The following LUZP2 variants were observed in gnomAD, a reference collection of about 807,000 sequenced individuals.
LUZP2 encodes leucine zipper protein 2.
A neutral mutation model predicts 51.6 loss-of-function variants in LUZP2; 52 were observed. That is an observed-to-expected ratio of 1.01 (90% CI 0.81 to 1.27). The LOEUF is 1.27. Ranked by LOEUF, LUZP2 falls within the 50% of genes most tolerant of loss-of-function variation. The pLI is 0.00. For missense variants in LUZP2, 436 were observed against 395.4 expected (o/e 1.10, Z -0.87); for synonymous variants, 154 against 137.3 (o/e 1.12, Z -0.85).
At chr11:24,506,409 GGAA>G (rs1850147078) in intron 1 of LUZP2, among the ~76,000 whole-genome samples, 1 of 152,056 alleles carries the variant, frequency 6.6e-6, no homozygotes, top group South Asian at 2.1e-4. Flanking sequence ...TAACATCTTA[GGAA>G]GACACAGATA....
intron 1 of LUZP2, among the ~76,000 whole-genome samples, chr11:24,550,926 G>C (rs773879605): frequency 6.6e-6 from 1 of 151,866 alleles, no homozygotes. Flanking sequence ...CTGGGCAAGA[G>C]AGCAAGATCC....
intron 5 of LUZP2, among the ~76,000 whole-genome samples, chr11:24,845,731 T>TTCTAAAC (rs1851178289): frequency 6.7e-6 from 1 of 149,888 alleles, no homozygotes; most frequent in Non-Finnish European, 1.5e-5. Flanking sequence ...AACAGGAGTT[T>TTCTAAAC]TCCTGCACAA....
intron 5 of LUZP2, among the ~76,000 whole-genome samples, chr11:24,775,129 C>G (rs1398945845): frequency 6.6e-6 from 1 of 151,760 alleles, no homozygotes; most frequent in African/African-American, 2.4e-5. Context: ...CGACAATAAC[C>G]CAGAAAAGTG....
In LUZP2 at chr11:24,515,017, T is replaced by C. The variant is rs78805509; in HGVS notation, c.62+17712T>C. On this transcript the variant is annotated intron_variant, in intron 1 of 11. Transcript: ENST00000336930. ...GAACAATCGTTGTCATTGAAACCTC[T>C]GCTGATTTGAGCTCTTAATGCTTGC... 4.2e-3 allele frequency among the ~76,000 whole-genome samples: 641 copies of C among 152,302 alleles called. 7 individuals carry two copies. Among genetic ancestry groups the C allele is most frequent in the African/African-American group, 0.014 (600 of 41,556 alleles).
At chr11:25,041,997 G>A (rs1254791073) in intron 9 of LUZP2, among the ~76,000 whole-genome samples, 2 of 152,148 alleles carry the variant, frequency 1.3e-5, no homozygotes, top group African/African-American at 4.8e-5. Context: ...GTTTCATCCT[G>A]AAATCATCGT....
intron 9 of LUZP2, among the ~76,000 whole-genome samples, chr11:25,037,161 G>T (rs951986002): frequency 1.1e-4 from 17 of 152,082 alleles, no homozygotes. Context: ...ATATATTTAG[G>T]ATAGTTAAGG....
intron 7 of LUZP2, among the ~76,000 whole-genome samples, chr11:24,937,896 C>T (rs1854633995): frequency 6.7e-6 from 1 of 148,348 alleles, no homozygotes; most frequent in Non-Finnish European, 1.5e-5. Flanking sequence ...GCAAGATTCC[C>T]TCTCAAAAAA....
At chr11:24,664,847 C>A (rs1856158835) in intron 1 of LUZP2, among the ~76,000 whole-genome samples, 1 of 152,186 alleles carries the variant, frequency 6.6e-6, no homozygotes, top group South Asian at 2.1e-4. Flanking sequence ...CAGGAGTTTG[C>A]TGCAGGGGCA....
chr11:24,733,268 A>G (rs932305937), intron 3 of LUZP2, among the ~76,000 whole-genome samples: 2 of 151,814 alleles, frequency 1.3e-5, no homozygotes, highest in Non-Finnish European at 2.9e-5. Context: ...TCTAATATTA[A>G]GAAAAACTTG....
At chr11:24,876,417 G>A (rs1202385794) in intron 5 of LUZP2, among the ~76,000 whole-genome samples, 2 of 149,050 alleles carry the variant, frequency 1.3e-5, no homozygotes, top group African/African-American at 5.0e-5. Context: ...TAGATATGCG[G>A]CGTTATTTCT....
intron 1 of LUZP2, among the ~76,000 whole-genome samples, chr11:24,560,727 G>GCCAC (rs1430762644): frequency 6.6e-6 from 1 of 152,168 alleles, no homozygotes; most frequent in African/African-American, 2.4e-5. Context: ...CTCAAGCATA[G>GCCAC]CCACAGCTCA....
intron 5 of LUZP2, among the ~76,000 whole-genome samples, chr11:24,801,723 A>G (rs996540760): frequency 5.3e-5 from 8 of 151,374 alleles, no homozygotes; most frequent in Admixed American, 3.3e-4. Context: ...CTAGTAGGGG[A>G]TGTAGGCAAA....
Position 24,960,532 on chromosome 11 carries a change from G to A in LUZP2, c.523-16059G>A, listed in dbSNP as rs563889707. On this transcript the variant is annotated intron_variant, in intron 7 of 11. Transcript: ENST00000336930. The stretch of plus-strand genomic sequence containing the variant: ...CTTCTAGATTTTCTAGTTTATTTGC[G>A]TAGAGGTGTTTGTAGTAATCTCTGA... Among the ~76,000 whole-genome samples, 601 of 152,134 alleles carry A rather than the reference G, an allele frequency of 4.0e-3. 2 individuals are homozygous for A. The highest frequency in any genetic ancestry group is 0.013 in the African/African-American group (548 of 41,508).
intron 1 of LUZP2, among the ~76,000 whole-genome samples, chr11:24,602,308 A>ACACATATATATGTACATACATATATG (rs1565021291): frequency 2.1e-5 from 2 of 97,550 alleles, no homozygotes; most frequent in South Asian, 2.9e-4. Flanking sequence ...ATACATATAT[A>ACACATATATATGTACATACATATATG]CACACATATA....
chr11:24,608,324 T>A (rs1854003832), intron 1 of LUZP2, among the ~76,000 whole-genome samples: 1 of 152,206 alleles, frequency 6.6e-6, no homozygotes, highest in Non-Finnish European at 1.5e-5. Flanking sequence ...CAGAAGGTCA[T>A]CAGACACTAT....
chr11:24,994,958 T>G (rs908601614), intron 9 of LUZP2, among the ~76,000 whole-genome samples: 1 of 152,222 alleles, frequency 6.6e-6, no homozygotes, highest in African/African-American at 2.4e-5. Context: ...CAATCTACTT[T>G]GAAATTATAT....
chr11:24,942,709 A>G (rs1237026233), intron 7 of LUZP2, among the ~76,000 whole-genome samples: 2 of 151,380 alleles, frequency 1.3e-5, no homozygotes, highest in Non-Finnish European at 2.9e-5. Context: ...TTTCAAAGGG[A>G]AAAAAAACTT....
intron 1 of LUZP2, among the ~76,000 whole-genome samples, chr11:24,569,994 A>G (rs554667966): frequency 6.6e-6 from 1 of 152,226 alleles, no homozygotes; most frequent in East Asian, 1.9e-4. Context: ...CATACTGACA[A>G]GTTACTAAAG....
intron 9 of LUZP2, among the ~76,000 whole-genome samples, chr11:25,020,712 A>T (rs994992840): frequency 4.8e-4 from 73 of 152,218 alleles, no homozygotes; most frequent in African/African-American, 1.7e-3. Context: ...TTGAATTCTC[A>T]GATTTTTTTG....
Sources: allele counts gnomAD v4.1 joint callset (sites outside exome capture counted in the v4.1 genomes callset), GRCh38; gene constraint gnomAD v4.1.1; transcripts MANE v1.5; gene names NCBI Gene and HGNC (gene_info 2026-07-23, HGNC 2026-07-21).